The following MYO7B variants were observed in gnomAD, a reference collection of about 807,000 sequenced individuals.
MYO7B encodes unconventional myosin-VIIb.
In MYO7B, 212 loss-of-function variants were observed where a neutral mutation model predicts 259.7. The observed-to-expected ratio is 0.82, with a 90% CI of 0.73 to 0.91. The LOEUF is 0.91. Among genes scored for constraint, MYO7B ranks in the 40% least tolerant of loss-of-function variants. The pLI is 0.00. For synonymous variants in MYO7B, 1,197 were observed against 1,166.4 expected (o/e 1.03, Z -0.54); for missense variants, 2,732 against 2,813.5 (o/e 0.97, Z 0.66).
At chr2:127,571,978 G>C (rs1678652605) in intron 6 of MYO7B, among the ~76,000 whole-genome samples, 1 of 152,118 alleles carries the variant, frequency 6.6e-6, no homozygotes, top group African/African-American at 2.4e-5. Context: ...TTGTATCTAA[G>C]AAATCTTTGC....
chr2:127,543,619 C>T (rs1285650548), intron 1 of MYO7B, among the ~76,000 whole-genome samples: 2 of 152,114 alleles, frequency 1.3e-5, no homozygotes, highest in South Asian at 2.1e-4. Flanking sequence ...TTCCACTCTC[C>T]ACCCCAATAA....
At position 127,582,303 on chromosome 2, in the gene MYO7B, G is replaced by A. The variant is rs1475483301; in HGVS notation, c.1201-1G>A. On this transcript the variant is annotated splice_acceptor_variant, in intron 11 of 47. Coordinates refer to ENST00000409816, the MANE Select transcript of MYO7B (RefSeq NM_001393586.1). LOFTEE classifies it high-confidence loss of function. ...ATTCTCCCACCCCCGTGTCTCTCCA[G>A]GGCATCTATGGGCACCTCTTCCTGT... The A allele has an allele frequency of 6.2e-7, 1 of 1,612,598 alleles. No homozygotes were observed. The highest frequency in any genetic ancestry group is 2.2e-5 in the East Asian group (1 of 44,880).
chr2:127,586,082 T>C lies in MYO7B; in HGVS notation c.1690+1169T>C, dbSNP rs1465892844. On this transcript the variant is annotated intron_variant, in intron 14 of 47. Coordinates refer to ENST00000409816, the MANE Select transcript of MYO7B (RefSeq NM_001393586.1). The surrounding 1 kb of genome is among the most constrained non-coding windows in gnomAD (Gnocchi z 4.8). ...TTTCATTTTGAAGAAGTCCAACTTA[T>C]CTATTTTCCTTTCTTTGCTTGTGTC... Among the ~76,000 whole-genome samples the C allele has an allele frequency of 6.6e-6, 1 of 152,248 alleles. No individual in the cohort carries two copies. The highest frequency in any genetic ancestry group is 2.4e-5 in the African/African-American group (1 of 41,466).
At chr2:127,564,069 C>A in intron 2 of MYO7B, 84 bp from the exon 3 acceptor site, 1 of 984,454 alleles carries the variant, frequency 1.0e-6, no homozygotes, top group Non-Finnish European at 1.5e-6. Context: ...GGCTGGAAGG[C>A]ATAGCCCCGA....
At position 127,564,237 on chromosome 2, in the gene MYO7B, A is replaced by G. The variant is rs1216621368; in HGVS notation, c.103A>G (p.Lys35Glu). 1.3e-6 allele frequency: 2 copies of G among 1,579,152 alleles called. No homozygotes were observed. The highest frequency in any genetic ancestry group is 8.6e-7 in the Non-Finnish European group (1 of 1,162,812). The change falls in exon 3 of 48, where the codon AAA becomes GAA. Residue 35 changes from lysine (K) to glutamate (E), a missense_variant. Around this residue, in one of 3 missense-constraint regions of MYO7B, gnomAD observed 1,906 missense variants for 2,026.4 expected, o/e 0.94. Coordinates refer to ENST00000409816, the MANE Select transcript of MYO7B (RefSeq NM_001393586.1). ...CATCATCAAAGAGGCAAAGCCAGGC[A>G]AAGTCTTGGTTGAAGATGACGAGGG... ...GGIIKEAKPG[K>E]VLVEDDEGKE... is the part of the protein sequence containing the mutation.
chr2:127,619,770 A>G (rs1285697186), intron 26 of MYO7B, among the ~76,000 whole-genome samples: 6 of 152,132 alleles, frequency 3.9e-5, no homozygotes, highest in Non-Finnish European at 8.8e-5. Context: ...GGCCACTTTT[A>G]TAACATGATA....
rs1186731301 is a variant in MYO7B at position 127,590,628 on chromosome 2, G to C, written c.1992+399G>C. ...TCAACAAAGGCAGAAATCAGTAATA[G>C]GACTTTAGAGGCTGACACCACTCCT... On this transcript the variant is annotated intron_variant, in intron 16 of 47. Transcript: ENST00000409816. The surrounding 1 kb of genome is among the most constrained non-coding windows in gnomAD (Gnocchi z 4.6). Among the ~76,000 whole-genome samples, 1 of 152,226 alleles carries C rather than the reference G, an allele frequency of 6.6e-6. No individual in the cohort carries two copies. Among genetic ancestry groups the C allele is most frequent in the African/African-American group, 2.4e-5 (1 of 41,454 alleles).
At position 127,628,416 on chromosome 2, in the gene MYO7B, A is replaced by T; in HGVS notation, c.4505A>T (p.Glu1502Val). ...GQRLLLSTMH[E>V]EYEFVSPSSV... ...AGGCTGCTGCTCTCCACGATGCATGAGGAGTACGAGTTTGTGTCACCCAGC... is the reference window on the plus strand; with the variant it reads ...AGGCTGCTGCTCTCCACGATGCATGTGGAGTACGAGTTTGTGTCACCCAGC... The change falls in exon 34 of 48, where the codon GAG (glutamate) becomes GTG (valine). Residue 1502 changes from glutamate (E) to valine (V), a missense_variant. By Grantham distance (121) the Glu-to-Val change is moderately radical. Transcript: ENST00000409816. The surrounding 1 kb of genome is among the most constrained non-coding windows in gnomAD (Gnocchi z 4.8). 1 of 1,600,018 alleles carries T rather than the reference A, an allele frequency of 6.2e-7. No individual in the cohort carries two copies. The highest frequency in any genetic ancestry group is 8.5e-7 in the Non-Finnish European group (1 of 1,175,202).
Position 127,590,725 on chromosome 2 carries a change from C to T in MYO7B, c.1992+496C>T, listed in dbSNP as rs7603918. ...AGGGGGTGAGAGCCCACACTCCCTGCCCACAACGGAGTCCCTGCTCCATTG... is the reference window on the plus strand; with the variant it reads ...AGGGGGTGAGAGCCCACACTCCCTGTCCACAACGGAGTCCCTGCTCCATTG... On this transcript the variant is annotated intron_variant, in intron 16 of 47. Coordinates refer to ENST00000409816, the MANE Select transcript of MYO7B (RefSeq NM_001393586.1). This position sits in a 1 kb window ranked among gnomAD's most constrained non-coding sequence, Gnocchi z 4.6. Among the ~76,000 whole-genome samples the T allele has an allele frequency of 1.3e-5, 2 of 152,200 alleles. No individual in the cohort carries two copies. Among genetic ancestry groups the T allele is most frequent in the African/African-American group, 4.8e-5 (2 of 41,446 alleles).
chr2:127,536,860 C>G (rs908926997), intron 1 of MYO7B, among the ~76,000 whole-genome samples: 1 of 152,212 alleles, frequency 6.6e-6, no homozygotes, highest in Admixed American at 6.5e-5. Flanking sequence ...GGGGGCCCTA[C>G]GTCTGTCCTC....
chr2:127,626,611 T>G (rs1681131127), intron 31 of MYO7B: 1 of 184,348 alleles, frequency 5.4e-6, no homozygotes, highest in Non-Finnish European at 1.1e-5. Context: ...CAAGACCCCC[T>G]CTACTAAAAA....
In MYO7B at chr2:127,633,316, G is replaced by C; in HGVS notation, c.5464G>C (p.Val1822Leu). The C allele has an allele frequency of 6.2e-7, 1 of 1,612,824 alleles. No homozygotes were observed. Residue 1822 changes from valine to leucine, a missense_variant, in exon 40 of 48, where the codon GTC becomes CTC. By Grantham distance (32) the Val-to-Leu change is conservative. Transcript: ENST00000409816. ...QVEVEAAEQN[V>L]SRICHKIYFP... ...GGAGGTGGAGGCCGCAGAGCAGAAC[G>C]TCTCCCGCATCTGCCACAAGATCTA...
chr2:127,635,200 G>A lies in MYO7B; in HGVS notation c.5794G>A (p.Ala1932Thr). 3.1e-6 allele frequency: 5 copies of A among 1,613,580 alleles called. No homozygotes were observed. The highest frequency in any genetic ancestry group is 4.2e-6 in the Non-Finnish European group (5 of 1,179,722). ...CATATCTCCAGGGAAGGATGTGAAT[G>A]CAGACACCATACTCCATTACCACCA... Reference protein sequence around the residue: ...LNISPGKDVNADTILHYHQEL... With the variant: ...LNISPGKDVNTDTILHYHQEL... Residue 1932 changes from alanine to threonine, a missense_variant, in exon 43 of 48, where the codon GCA (alanine) becomes ACA (threonine). Ala to Thr is a moderately conservative substitution (Grantham distance 58, BLOSUM62 0). Transcript: ENST00000409816.
At chr2:127,631,408 C>T (rs376945826) in intron 37 of MYO7B, 45 bp downstream of exon 37, 2 of 1,578,352 alleles carry the variant, frequency 1.3e-6, no homozygotes, top group Non-Finnish European at 1.7e-6. Flanking sequence ...AATGCCAGGG[C>T]AGAGGCACCC....
Position 127,585,345 on chromosome 2 carries a change from G to T in MYO7B, c.1690+432G>T, listed in dbSNP as rs1293896742. ...CATAAATGGAACCATATAATACGTG[G>T]TCTTCTGTGGCTGGTTTCTTTCACT... On this transcript the variant is annotated intron_variant, in intron 14 of 47. Coordinates refer to ENST00000409816, the MANE Select transcript of MYO7B (RefSeq NM_001393586.1). The surrounding 1 kb of genome is among the most constrained non-coding windows in gnomAD (Gnocchi z 4.3). Among the ~76,000 whole-genome samples, 1 of 152,086 alleles carries T rather than the reference G, an allele frequency of 6.6e-6. No homozygotes were observed. Among genetic ancestry groups the T allele is most frequent in the Non-Finnish European group, 1.5e-5 (1 of 68,028 alleles).
chr2:127,589,679 T>C (rs927924292), intron 15 of MYO7B, among the ~76,000 whole-genome samples: 1 of 60,814 alleles, frequency 1.6e-5, no homozygotes, highest in Non-Finnish European at 3.2e-5. Flanking sequence ...GATGGGTGGG[T>C]GGGTGGATGG....
In MYO7B at chr2:127,573,902, T is replaced by A; in HGVS notation, c.593-18T>A. 1.2e-6 allele frequency: 2 copies of A among 1,613,990 alleles called. No individual in the cohort carries two copies. The highest frequency in any genetic ancestry group is 1.7e-6 in the Non-Finnish European group (2 of 1,179,842). On this transcript the variant is annotated intron_variant, in intron 6 of 47. Coordinates refer to ENST00000409816, the MANE Select transcript of MYO7B (RefSeq NM_001393586.1). Reference sequence around the variant, plus strand: ...CTCCTCTCTGCTCCCATCATGGGCATCGCCCGCTTACCTTCAGCCTTTGGA... The same window carrying A: ...CTCCTCTCTGCTCCCATCATGGGCAACGCCCGCTTACCTTCAGCCTTTGGA...
chr2:127,605,233 G>GT (rs1378976942), intron 19 of MYO7B, among the ~76,000 whole-genome samples: 1 of 152,226 alleles, frequency 6.6e-6, no homozygotes, highest in African/African-American at 2.4e-5. Context: ...AAATGCGGAA[G>GT]TAAGTTTTAT....
intron 38 of MYO7B, among the ~76,000 whole-genome samples, 181 bp downstream of exon 38, chr2:127,631,934 G>A (rs1055302333): frequency 1.3e-4 from 20 of 152,224 alleles, no homozygotes; most frequent in Non-Finnish European, 2.5e-4. Context: ...CCTAGGGGTG[G>A]TCAGAGCAGG....
Sources: allele counts gnomAD v4.1 joint callset (sites outside exome capture counted in the v4.1 genomes callset), GRCh38; gene constraint gnomAD v4.1.1; regional missense constraint gnomAD v4.1.1; non-coding constraint Gnocchi (gnomAD v3.1); transcripts MANE v1.5; gene names NCBI Gene and HGNC (gene_info 2026-07-23, HGNC 2026-07-21).